OR8S1: variants seen among roughly 807,000 people sequenced by gnomAD.
OR8S1 encodes the protein olfactory receptor family 8 subfamily S member 1.
For synonymous variants in OR8S1, 150 were observed against 151.4 expected, an observed-to-expected ratio of 0.99 and a Z score of 0.07; for missense variants, 362 against 372.1, an observed-to-expected ratio of 0.97 and a Z score of 0.22.
chr12:48,526,007 A>C (rs758562035), exon 1 of OR8S1: 2 of 1,614,172 alleles, frequency 1.2e-6, no homozygotes, highest in Non-Finnish European at 8.5e-7. Flanking sequence ...CCATGCTGCC[A>C]TCTGCCGCCC....
chr12:48,525,732 T>C, exon 1 of OR8S1: 1 of 1,614,148 alleles, frequency 6.2e-7, no homozygotes, highest in Non-Finnish European at 8.5e-7. Context: ...TTCCTGGGGA[T>C]TTACCTCCTG....
chr12:48,525,925 G>A (rs1438779929), exon 1 of OR8S1: 1 of 1,614,076 alleles, frequency 6.2e-7, no homozygotes, highest in African/African-American at 1.3e-5. Context: ...AGGGCTGCCT[G>A]GCTCAGGTCT....
chr12:48,526,357 T>C (rs779966545), exon 1 of OR8S1: 2 of 1,614,076 alleles, frequency 1.2e-6, no homozygotes, highest in African/African-American at 2.7e-5. Flanking sequence ...CCACCTGCTC[T>C]GCCCACCTCA....
At chr12:48,526,010 T>A in exon 1 of OR8S1, 3 of 1,614,024 alleles carry the variant, frequency 1.9e-6, no homozygotes, top group Non-Finnish European at 2.5e-6. Context: ...TGCTGCCATC[T>A]GCCGCCCACT....
rs747338362 is a variant in OR8S1, at chr12:48,525,775, GATCAGGGC to G, written c.145_152del (p.Ile49Ter). 1 of 1,614,124 alleles carries G rather than the reference GATCAGGGC, an allele frequency of 6.2e-7. No individual in the cohort carries two copies. Among genetic ancestry groups the G allele is most frequent in the Non-Finnish European group, 8.5e-7 (1 of 1,179,998 alleles). On this transcript the variant is annotated frameshift_variant, in exon 1 of 1. Transcript: ENST00000641651. LOFTEE classifies it low-confidence loss of function (END_TRUNC). Reference sequence around the variant, plus strand: ...TGGAAAACCTGATGCTGCTGCTCATGATCAGGGCTGATTCTTGTCTCCATAAGCCCATG... The same window carrying G: ...TGGAAAACCTGATGCTGCTGCTCATGTGATTCTTGTCTCCATAAGCCCATG...
exon 1 of OR8S1, chr12:48,525,845 T>C: frequency 1.2e-6 from 2 of 1,614,178 alleles, no homozygotes; most frequent in East Asian, 2.2e-5. Context: ...TGTTGATCTC[T>C]GCTTCTCTTC....
chr12:48,526,455 A>G (rs1263368860), exon 1 of OR8S1: 14 of 1,613,054 alleles, frequency 8.7e-6, no homozygotes, highest in African/African-American at 1.3e-5. Context: ...TTCTCTGTGC[A>G]GTATACTGTA....
exon 1 of OR8S1, chr12:48,526,393 A>C: frequency 6.2e-7 from 1 of 1,614,118 alleles, no homozygotes; most frequent in East Asian, 2.2e-5. Context: ...ACTATGGCTC[A>C]GGTTTGCTCC....
chr12:48,526,159 C>G, exon 1 of OR8S1: 1 of 1,614,206 alleles, frequency 6.2e-7, no homozygotes, highest in South Asian at 1.1e-5. Context: ...TCATTCACCA[C>G]TACAGCTATG....
chr12:48,526,287 C>G, exon 1 of OR8S1: 13 of 1,614,080 alleles, frequency 8.1e-6, no homozygotes, highest in Non-Finnish European at 1.1e-5. Flanking sequence ...TTATCCTACA[C>G]CCGTATAATC....
exon 1 of OR8S1, chr12:48,526,001 G>A: frequency 6.2e-7 from 1 of 1,614,216 alleles, no homozygotes; most frequent in Non-Finnish European, 8.5e-7. Context: ...TGACCGCCAT[G>A]CTGCCATCTG....
chr12:48,526,096 C>T lies in OR8S1; in HGVS notation c.465C>T (p.Asp155=), dbSNP rs138173118. The change falls in exon 1 of 1, where the codon GAC becomes GAT. Residue 155 remains aspartate, a synonymous_variant. Transcript: ENST00000641651. ...GCTCATGGGGACTGGGCTTTCTGGA[C>T]GCACTCATCAATGTCCTCCTAGCTG... The T allele has an allele frequency of 1.6e-4, 253 of 1,614,078 alleles. No homozygotes were observed. In the African/African-American group the frequency reaches 2.7e-3, roughly 17 times the overall value.
chr12:48,526,138 T>G (rs772750354), exon 1 of OR8S1: 3 of 1,614,082 alleles, frequency 1.9e-6, no homozygotes, highest in Admixed American at 3.3e-5. Context: ...TGGTCTTTTG[T>G]GAAGCCAAAA....
At chr12:48,526,411 C>T in exon 1 of OR8S1, 1 of 1,614,154 alleles carries the variant, frequency 6.2e-7, no homozygotes. Flanking sequence ...TCCGCCATCT[C>T]ATGCCAAACT....
rs139022158 is a variant in OR8S1 at position 48,526,264 on chromosome 12, C to T, written c.633C>T (p.Phe211=). The T allele has an allele frequency of 7.2e-5, 116 of 1,614,022 alleles. No individual in the cohort carries two copies. In the African/African-American group the frequency reaches 1.4e-3, roughly 19 times the overall value. Reference sequence around the variant, plus strand: ...CTCTCCTACATGGGCTGGGAAACTTCCTTTTGGTCTTCTTATCCTACACCC... The same window carrying T: ...CTCTCCTACATGGGCTGGGAAACTTTCTTTTGGTCTTCTTATCCTACACCC... The change falls in exon 1 of 1, where the codon TTC becomes TTT. Residue 211 remains phenylalanine, a synonymous_variant. Transcript: ENST00000641651.
chr12:48,526,141 A>G, exon 1 of OR8S1: 2 of 1,614,184 alleles, frequency 1.2e-6, no homozygotes, highest in Non-Finnish European at 1.7e-6. Flanking sequence ...TCTTTTGTGA[A>G]GCCAAAATCA....
exon 1 of OR8S1, chr12:48,526,220 A>C: frequency 6.2e-7 from 1 of 1,614,138 alleles, no homozygotes; most frequent in Non-Finnish European, 8.5e-7. Flanking sequence ...CAGAAGCCTC[A>C]TCGCCTTGCT....
chr12:48,525,765 T>C, exon 1 of OR8S1: 1 of 1,614,194 alleles, frequency 6.2e-7, no homozygotes, highest in Non-Finnish European at 8.5e-7. Context: ...AACCTGATGC[T>C]GCTGCTCATG....
chr12:48,525,679 G>T, exon 1 of OR8S1: 1 of 1,614,120 alleles, frequency 6.2e-7, no homozygotes, highest in African/African-American at 1.3e-5. Flanking sequence ...TCCTCCTTGG[G>T]CTGTCTGCCG....
Sources: gnomAD v4.1 joint callset for allele counts on GRCh38, gnomAD v4.1.1 for gene constraint, MANE v1.5 for transcripts, NCBI Gene and HGNC (gene_info 2026-07-23, HGNC 2026-07-21) for gene names.